Variants in MBNL1 observed in about 807,000 individuals in gnomAD.
MBNL1 encodes muscleblind-like protein 1.
Under a neutral mutation model 42.2 loss-of-function variants are expected in MBNL1, and 8 were observed. That is an observed-to-expected ratio of 0.19 (90% CI 0.11 to 0.34). The LOEUF (loss-of-function observed/expected upper bound fraction) is 0.34. MBNL1 is among the 10% of genes least tolerant of loss of function. MBNL1 has a pLI of 1.00. For synonymous variants in MBNL1, 169 were observed against 173.9 expected, an observed-to-expected ratio of 0.97 and a Z score of 0.22; for missense variants, 309 against 495.3, an observed-to-expected ratio of 0.62 and a Z score of 3.57.
chr3:152,274,649 C>G (rs1205472179), intron 1 of MBNL1, among the ~76,000 whole-genome samples: 2 of 152,068 alleles, frequency 1.3e-5, no homozygotes, highest in African/African-American at 4.8e-5. Flanking sequence ...AGCAATGGTT[C>G]CATATTTTCC....
At chr3:152,381,044 T>G (rs1270227981) in intron 2 of MBNL1, among the ~76,000 whole-genome samples, 9 of 152,102 alleles carry the variant, frequency 5.9e-5, no homozygotes, top group Non-Finnish European at 7.4e-5. Context: ...ATCTTGTTTT[T>G]AGACAAATCC....
intron 2 of MBNL1, among the ~76,000 whole-genome samples, chr3:152,361,005 G>A (rs1035599783): frequency 6.6e-6 from 1 of 152,000 alleles, no homozygotes; most frequent in African/African-American, 2.4e-5. Context: ...GTTTCAATGG[G>A]TACATAGCCT....
At chr3:152,358,911 C>T (rs1214192348) in intron 2 of MBNL1, among the ~76,000 whole-genome samples, 1 of 152,078 alleles carries the variant, frequency 6.6e-6, no homozygotes, top group Non-Finnish European at 1.5e-5. Flanking sequence ...TGCCCAGCCT[C>T]ATCTGGTTTT....
intron 2 of MBNL1, among the ~76,000 whole-genome samples, chr3:152,355,669 T>C (rs979120592): frequency 3.9e-5 from 6 of 152,208 alleles, no homozygotes; most frequent in African/African-American, 1.2e-4. Context: ...GCAACAGATA[T>C]GACACAGCTA....
chr3:152,293,627 T>A (rs960463815), intron 1 of MBNL1, among the ~76,000 whole-genome samples: 1 of 152,180 alleles, frequency 6.6e-6, no homozygotes, highest in Non-Finnish European at 1.5e-5. Context: ...GAAACTATCT[T>A]AATAAACAAA....
chr3:152,290,304 T>A (rs2055145381), intron 1 of MBNL1, among the ~76,000 whole-genome samples: 1 of 152,126 alleles, frequency 6.6e-6, no homozygotes, highest in Admixed American at 6.5e-5. Flanking sequence ...TGGGCAGGTT[T>A]TTTTTTAAAT....
At chr3:152,250,878 C>T (rs931941808) in intron 2 of MBNL1, among the ~76,000 whole-genome samples, 2 of 152,146 alleles carry the variant, frequency 1.3e-5, no homozygotes, top group Middle Eastern at 3.4e-3. Flanking sequence ...TTGAGATAAT[C>T]ATGTGGTTTT....
intron 6 of MBNL1, among the ~76,000 whole-genome samples, chr3:152,453,280 T>G (rs1034405848): frequency 1.3e-5 from 2 of 152,178 alleles, no homozygotes; most frequent in African/African-American, 4.8e-5. Flanking sequence ...CTTACTTCCC[T>G]TCTACTCCAA....
intron 2 of MBNL1, among the ~76,000 whole-genome samples, chr3:152,394,241 T>C (rs1195874829): frequency 6.6e-6 from 1 of 152,220 alleles, no homozygotes; most frequent in African/African-American, 2.4e-5. Flanking sequence ...GAAATACATA[T>C]TTTAACTAAA....
chr3:152,460,072 G>T (rs1282010650), intron 9 of MBNL1, among the ~76,000 whole-genome samples: 1 of 151,670 alleles, frequency 6.6e-6, no homozygotes, highest in Non-Finnish European at 1.5e-5. Context: ...TAGGCAACAT[G>T]GTCAAACCCT....
At chr3:152,432,585 C>A in intron 3 of MBNL1, 132 bp from the exon 4 acceptor site, 1 of 734,876 alleles carries the variant, frequency 1.4e-6, no homozygotes, top group Non-Finnish European at 2.4e-6. Flanking sequence ...AGTAAATGAA[C>A]ACAGGATTAA....
intron 2 of MBNL1, among the ~76,000 whole-genome samples, chr3:152,326,761 A>T (rs1292111621): frequency 7.1e-6 from 1 of 140,844 alleles, no homozygotes; most frequent in African/African-American, 2.6e-5. Flanking sequence ...TTTCTAAAAA[A>T]TTTTTCCCTT....
At chr3:152,294,181 G>A (rs1416928188) in intron 1 of MBNL1, among the ~76,000 whole-genome samples, 1 of 151,544 alleles carries the variant, frequency 6.6e-6, no homozygotes, top group Non-Finnish European at 1.5e-5. Flanking sequence ...TGTTGTAGAT[G>A]ATGTCAGATA....
In MBNL1 at chr3:152,299,516, C is replaced by A; in HGVS notation, c.-678C>A. The stretch of plus-strand genomic sequence containing the variant: ...AGCTAGACTGTGACGACAGCACATC[C>A]ACCCTCCACCTCTAGCCCAGACACC... On this transcript the variant is annotated 5_prime_UTR_variant, in exon 2 of 10. Coordinates refer to ENST00000324210, the MANE Select transcript of MBNL1 (RefSeq NM_021038.5). 2.6e-6 allele frequency: 1 copy of A among 391,854 alleles called. No homozygotes were observed. Among genetic ancestry groups the A allele is most frequent in the East Asian group, 3.6e-5 (1 of 27,678 alleles). The allele number at this position is 391,854 out of a possible 1,614,324, so 24.3% of individuals were successfully genotyped here.
intron 2 of MBNL1, among the ~76,000 whole-genome samples, chr3:152,381,775 G>A (rs1014743544): frequency 1.3e-5 from 2 of 151,722 alleles, no homozygotes; most frequent in African/African-American, 2.4e-5. Flanking sequence ...GTTTAGCTTT[G>A]TAACTTAGAG....
intron 6 of MBNL1, among the ~76,000 whole-genome samples, chr3:152,449,701 G>A (rs1269697907): frequency 6.6e-6 from 1 of 152,110 alleles, no homozygotes; most frequent in African/African-American, 2.4e-5. Context: ...GTTAAGCATT[G>A]CTAATTTAAA....
intron 2 of MBNL1, chr3:152,340,774 A>G: frequency 6.2e-7 from 1 of 1,614,066 alleles, no homozygotes; most frequent in African/African-American, 1.3e-5. Flanking sequence ...CTCACTGAAG[A>G]AGAATCCAGC....
intron 2 of MBNL1, among the ~76,000 whole-genome samples, chr3:152,386,298 C>T (rs953810186): frequency 6.6e-6 from 1 of 151,994 alleles, no homozygotes; most frequent in Middle Eastern, 3.2e-3. Flanking sequence ...ATTTGATGCT[C>T]TCTTGGGAAA....
chr3:152,410,583 A>G (rs918114198), intron 2 of MBNL1, among the ~76,000 whole-genome samples: 2 of 152,262 alleles, frequency 1.3e-5, no homozygotes, highest in Non-Finnish European at 2.9e-5. Context: ...GCCTCCTTGA[A>G]TGGAGCCTAA....
Sources: gnomAD v4.1 joint callset for allele counts (sites outside exome capture counted in the v4.1 genomes callset) on GRCh38, gnomAD v4.1.1 for gene constraint, MANE v1.5 for transcripts, NCBI Gene and HGNC (gene_info 2026-07-23, HGNC 2026-07-21) for gene names.